The following CSMD2 variants were observed in gnomAD, a reference collection of about 807,000 sequenced individuals.
CSMD2 encodes the protein CUB and sushi domain-containing protein 2.
Under a neutral mutation model 398.5 loss-of-function variants are expected in CSMD2, and 130 were observed. That is an observed-to-expected ratio of 0.33 (90% CI 0.28 to 0.38). CSMD2 has a LOEUF of 0.38. Among genes scored for constraint, CSMD2 ranks in the 10% least tolerant of loss-of-function variants. CSMD2 has a pLI of 1.00. For synonymous variants in CSMD2, 1,828 were observed against 1,908.5 expected (o/e 0.96, Z 1.10); for missense variants, 3,829 against 4,764.9 (o/e 0.80, Z 5.78).
chr1:33,666,041 T>G (rs1644305269), intron 25 of CSMD2, among the ~76,000 whole-genome samples: 1 of 152,180 alleles, frequency 6.6e-6, no homozygotes, highest in African/African-American at 2.4e-5. Context: ...CCCTACTGAT[T>G]TGAAATATCC....
intron 4 of CSMD2, among the ~76,000 whole-genome samples, chr1:33,928,420 T>C: frequency 6.6e-6 from 1 of 152,220 alleles, no homozygotes. Context: ...CAATGATAGA[T>C]ACCCCTCACT....
At chr1:34,001,414 T>C (rs1453784502) in intron 3 of CSMD2, among the ~76,000 whole-genome samples, 2 of 152,188 alleles carry the variant, frequency 1.3e-5, no homozygotes, top group African/African-American at 2.4e-5. Flanking sequence ...ATGAATCATA[T>C]GGACATCTAG....
In CSMD2 at chr1:33,658,016, T is replaced by TC; in HGVS notation, c.4376dup (p.Ser1460LysfsTer53). ...TCTTCACACAGCTGATCTCTGCACT[T>TC]CCCTGCAGCGCGTAGCCAGGGTCAC... is the stretch of plus-strand genomic sequence containing the variant. On this transcript the variant is annotated frameshift_variant, in exon 27 of 71. Coordinates refer to ENST00000373381, the MANE Select transcript of CSMD2 (RefSeq NM_001281956.2). LOFTEE classifies it high-confidence loss of function. 6.2e-7 allele frequency: 1 copy of TC among 1,614,190 alleles called. No homozygotes were observed. Among genetic ancestry groups the TC allele is most frequent in the Non-Finnish European group, 8.5e-7 (1 of 1,180,030 alleles).
chr1:33,974,522 C>T (rs1170838427), intron 3 of CSMD2, among the ~76,000 whole-genome samples: 2 of 152,202 alleles, frequency 1.3e-5, no homozygotes, highest in Non-Finnish European at 2.9e-5. Context: ...GAAGGCACTC[C>T]AACGATCCCC....
At chr1:33,734,849 T>C (rs190230922) in intron 15 of CSMD2, among the ~76,000 whole-genome samples, 2 of 152,202 alleles carry the variant, frequency 1.3e-5, no homozygotes, top group Admixed American at 1.3e-4. Context: ...TAATTTATCT[T>C]TTTTTGTGTG....
At chr1:33,946,842 C>G (rs975943207) in intron 3 of CSMD2, among the ~76,000 whole-genome samples, 5 of 151,028 alleles carry the variant, frequency 3.3e-5, no homozygotes, top group Admixed American at 6.6e-5. Flanking sequence ...ACCGTGTTAG[C>G]TAGGCTGGTC....
intron 12 of CSMD2, among the ~76,000 whole-genome samples, chr1:33,775,949 G>A (rs1295014196): frequency 6.6e-6 from 1 of 152,132 alleles, no homozygotes; most frequent in African/African-American, 2.4e-5. Flanking sequence ...AATGCTGCAG[G>A]GAAGTTTACA....
At chr1:34,072,235 T>C (rs938312350) in intron 2 of CSMD2, among the ~76,000 whole-genome samples, 6 of 152,234 alleles carry the variant, frequency 3.9e-5, no homozygotes, top group Non-Finnish European at 2.9e-5. Flanking sequence ...TTAGATTTAC[T>C]TTAATTCCAA....
chr1:33,808,488 A>G (rs991986853), intron 10 of CSMD2, among the ~76,000 whole-genome samples: 2 of 152,104 alleles, frequency 1.3e-5, no homozygotes, highest in Non-Finnish European at 2.9e-5. Context: ...ATACTTCTAA[A>G]TAGCTCATGC....
chr1:34,010,666 T>G (rs1207987182), intron 3 of CSMD2, among the ~76,000 whole-genome samples: 3 of 152,074 alleles, frequency 2.0e-5, no homozygotes, highest in Non-Finnish European at 4.4e-5. Context: ...TAACCCAGGT[T>G]GGAGTGCAGT....
chr1:33,639,519 G>T (rs543070742), intron 29 of CSMD2, among the ~76,000 whole-genome samples: 11 of 152,330 alleles, frequency 7.2e-5, no homozygotes, highest in African/African-American at 2.6e-4. Context: ...TTGGGTAAGG[G>T]TATTTCTTTC....
chr1:33,613,514 A>T (rs1641183417), intron 40 of CSMD2, among the ~76,000 whole-genome samples: 1 of 152,162 alleles, frequency 6.6e-6, no homozygotes, highest in African/African-American at 2.4e-5. Flanking sequence ...AGAAAATAAC[A>T]TCTTTCAGAG....
intron 5 of CSMD2, among the ~76,000 whole-genome samples, chr1:33,848,965 G>A (rs148687952): frequency 1.3e-5 from 2 of 152,170 alleles, no homozygotes; most frequent in Non-Finnish European, 2.9e-5. Context: ...GGAGGGTGCT[G>A]AGGTCTCAAG....
chr1:33,559,788 C>T lies in CSMD2; in HGVS notation c.8381-315G>A, dbSNP rs558855289. ...TTACTTTCCTTGCCTCTGATGCCCT[C>T]GGCTCCCCAGATCCATTCTTAATTG... On this transcript the variant is annotated intron_variant, in intron 53 of 70. Transcript: ENST00000373381. This position sits in a 1 kb window ranked among gnomAD's most constrained non-coding sequence, Gnocchi z 4.0. Among the ~76,000 whole-genome samples, 2 of 152,194 alleles carry T rather than the reference C, an allele frequency of 1.3e-5. No individual in the cohort carries two copies. The highest frequency in any genetic ancestry group is 1.9e-4 in the East Asian group (1 of 5,176).
intron 65 of CSMD2, among the ~76,000 whole-genome samples, chr1:33,526,869 G>A (rs143899039): frequency 1.5e-4 from 23 of 152,202 alleles, no homozygotes; most frequent in Non-Finnish European, 1.5e-5. Context: ...GAAGCTCCCT[G>A]GGTATGGCCT....
At chr1:33,864,239 C>T (rs781458771) in intron 5 of CSMD2, 46 of 1,612,606 alleles carry the variant, frequency 2.9e-5, no homozygotes, top group Non-Finnish European at 3.7e-5. Context: ...TCTCTTCTTA[C>T]GTTCACTTTT....
chr1:34,061,037 G>C (rs1158824518), intron 2 of CSMD2, among the ~76,000 whole-genome samples: 2 of 152,146 alleles, frequency 1.3e-5, no homozygotes, highest in Non-Finnish European at 2.9e-5. Flanking sequence ...GGCACAAAGG[G>C]AAGCTCGCAC....
At chr1:33,516,611 A>G (rs1653787216) in intron 70 of CSMD2, 41 bp from the exon 71 acceptor site, 1 of 152,446 alleles carries the variant, frequency 6.6e-6, no homozygotes, top group Non-Finnish European at 1.5e-5. Flanking sequence ...CAAAGAAAAA[A>G]GAGGCAGTGG....
intron 32 of CSMD2, among the ~76,000 whole-genome samples, chr1:33,629,418 T>C (rs1642330566): frequency 6.6e-6 from 1 of 152,138 alleles, no homozygotes; most frequent in Non-Finnish European, 1.5e-5. Flanking sequence ...ATGAGTCAAC[T>C]TCCTCTTAAA....
Sources: gnomAD v4.1 joint callset for allele counts (sites outside exome capture counted in the v4.1 genomes callset) on GRCh38, gnomAD v4.1.1 for gene constraint, Gnocchi (gnomAD v3.1) non-coding constraint, MANE v1.5 for transcripts, NCBI Gene and HGNC (gene_info 2026-07-23, HGNC 2026-07-21) for gene names.